Variants in AGFG1 observed in about 807,000 individuals in gnomAD.
The protein encoded by AGFG1 is ArfGAP with FG repeats 1.
In AGFG1, 10 loss-of-function variants were observed where a neutral mutation model predicts 60.6. The ratio of observed to expected loss-of-function variants is 0.16; its 90% CI spans 0.10 to 0.28. The LOEUF (loss-of-function observed/expected upper bound fraction) is 0.28, where lower values mean the gene tolerates loss of function less well. Ranked by LOEUF, AGFG1 falls within the 10% of genes least tolerant of loss-of-function variation. The pLI is 1.00. For missense variants in AGFG1, 537 were observed against 676.5 expected (o/e 0.79, Z 2.29); for synonymous variants, 247 against 242.9 (o/e 1.02, Z -0.16).
rs868351441 is a variant in AGFG1 at position 227,477,102 on chromosome 2, A to G, written c.167+4514A>G. ...TTTATAGTAGAGACTGGGTTTCGCCATGTTGGCCAGGCTCGTCTTAAACTC... is the reference window on the plus strand; with the variant it reads ...TTTATAGTAGAGACTGGGTTTCGCCGTGTTGGCCAGGCTCGTCTTAAACTC... On this transcript the variant is annotated intron_variant, in intron 1 of 12. Transcript: ENST00000310078. Among the ~76,000 whole-genome samples, 34 of 152,190 alleles carry G rather than the reference A, an allele frequency of 2.2e-4. 1 individual carries two copies. The highest frequency in any genetic ancestry group is 3.4e-3 in the Middle Eastern group (1 of 294).
At chr2:227,473,937 G>C (rs4675199) in intron 1 of AGFG1, among the ~76,000 whole-genome samples, 90,383 of 151,996 alleles carry the variant, frequency 0.59, 26,956 homozygotes, top group South Asian at 0.68. Context: ...TGTTCTCTTG[G>C]TTCTTACAGT....
intron 5 of AGFG1, among the ~76,000 whole-genome samples, chr2:227,528,311 A>G (rs1692056870): frequency 1.3e-5 from 2 of 152,296 alleles, no homozygotes; most frequent in South Asian, 4.1e-4. Flanking sequence ...TGAGAAGGAT[A>G]AGAAATTTTG....
Position 227,559,633 on chromosome 2 carries a change from GATTA to G in AGFG1, c.*5142_*5145del, listed in dbSNP as rs1257161046. On this transcript the variant is annotated 3_prime_UTR_variant, in exon 13 of 13. Coordinates refer to ENST00000310078, the MANE Select transcript of AGFG1 (RefSeq NM_004504.5). ...TTAGATGGTGATTAAAATGCCCATA[GATTA>G]ATTTTTTAATCGGTTCTCTGAAATC... The G allele has an allele frequency of 1.3e-5, 2 of 152,146 alleles. No individual in the cohort carries two copies. The highest frequency in any genetic ancestry group is 1.3e-4 in the Admixed American group (2 of 15,266). 9.4% of individuals were successfully genotyped at this position (152,146 alleles called of 1,614,324 possible). A position where few individuals can be genotyped will look rare whatever the true frequency, so the allele number is the denominator to read the frequency against.
chr2:227,492,982 A>C (rs886343003), intron 2 of AGFG1, among the ~76,000 whole-genome samples: 13 of 152,164 alleles, frequency 8.5e-5, no homozygotes, highest in Admixed American at 5.2e-4. Flanking sequence ...ATTAGAATGG[A>C]ATCAGAAATA....
At chr2:227,521,967 T>C (rs1691840302) in intron 3 of AGFG1, among the ~76,000 whole-genome samples, 1 of 152,212 alleles carries the variant, frequency 6.6e-6, no homozygotes, top group Admixed American at 6.5e-5. Context: ...CCTGTATGTT[T>C]TTAATCCAGA....
At chr2:227,550,163 G>C (rs1692778124) in intron 10 of AGFG1, 1 of 390,728 alleles carries the variant, frequency 2.6e-6, no homozygotes, top group Non-Finnish European at 5.2e-6. Context: ...CCTGCTTGTG[G>C]AAGCTTCTGC....
In AGFG1 at chr2:227,560,397, T is replaced by C. The variant is rs1054018040; in HGVS notation, c.*5902T>C. 1 of 150,008 alleles carries C rather than the reference T, an allele frequency of 6.7e-6. No homozygotes were observed. The highest frequency in any genetic ancestry group is 2.5e-5 in the African/African-American group (1 of 40,790). 9.3% of individuals were successfully genotyped at this position (150,008 alleles called of 1,614,324 possible). A position where few individuals can be genotyped will look rare whatever the true frequency, so the allele number is the denominator to read the frequency against. ...TGTAGGTATGATCTTGTGCTTCCAT[T>C]TAAGAAATTCTTCCATTTAAAGAAG... On this transcript the variant is annotated 3_prime_UTR_variant, in exon 13 of 13. Coordinates refer to ENST00000310078, the MANE Select transcript of AGFG1 (RefSeq NM_004504.5).
At chr2:227,488,963 G>A (rs1301869639) in intron 1 of AGFG1, among the ~76,000 whole-genome samples, 1 of 151,872 alleles carries the variant, frequency 6.6e-6, no homozygotes, top group Admixed American at 6.6e-5. Flanking sequence ...ACAGGCGTGC[G>A]ACACCATGCC....
intron 6 of AGFG1, among the ~76,000 whole-genome samples, chr2:227,533,003 A>G (rs1462864173): frequency 6.6e-6 from 1 of 152,216 alleles, no homozygotes; most frequent in Admixed American, 6.5e-5. Context: ...TACACATTAA[A>G]CTATTATGTG....
At chr2:227,515,629 T>A (rs1485827697) in intron 2 of AGFG1, among the ~76,000 whole-genome samples, 1 of 152,128 alleles carries the variant, frequency 6.6e-6, no homozygotes, top group Non-Finnish European at 1.5e-5. Flanking sequence ...ACCAATATTC[T>A]ACCTACTTTT....
chr2:227,523,311 A>T (rs1053237745), intron 3 of AGFG1, among the ~76,000 whole-genome samples: 1 of 152,182 alleles, frequency 6.6e-6, no homozygotes, highest in South Asian at 2.1e-4. Context: ...ATTCTTACAG[A>T]TGTAATAAGC....
intron 1 of AGFG1, among the ~76,000 whole-genome samples, chr2:227,475,632 C>G (rs1690259696): frequency 6.6e-6 from 1 of 152,126 alleles, no homozygotes; most frequent in Non-Finnish European, 1.5e-5. Flanking sequence ...ATTTTGAAGT[C>G]AGATTTTGAC....
At chr2:227,497,302 A>G (rs553136822) in intron 2 of AGFG1, among the ~76,000 whole-genome samples, 4 of 152,242 alleles carry the variant, frequency 2.6e-5, no homozygotes, top group Non-Finnish European at 5.9e-5. Flanking sequence ...TCAGCTTGCA[A>G]TGTAAATCTT....
chr2:227,472,404 T>A lies in AGFG1; in HGVS notation c.-18T>A, dbSNP rs912143845. ...CCGGCTCCCGGCCCTGCCGGCCTCC[T>A]CCCTTGGCGCCGCGGCCATGGCGGC... On this transcript the variant is annotated 5_prime_UTR_variant, in exon 1 of 13. Transcript: ENST00000310078. 10 of 1,437,680 alleles carry A rather than the reference T, an allele frequency of 7.0e-6. No homozygotes were observed. Among genetic ancestry groups the A allele is most frequent in the Non-Finnish European group, 8.3e-6 (9 of 1,084,940 alleles). 89.1% of individuals were successfully genotyped at this position (1,437,680 alleles called of 1,614,324 possible).
chr2:227,553,825 T>C (rs1399742545), intron 12 of AGFG1, 30 bp downstream of exon 12: 10 of 1,491,714 alleles, frequency 6.7e-6, no homozygotes, highest in Non-Finnish European at 9.3e-6. Context: ...AAATACTTTA[T>C]AAGTTGTTAA....
chr2:227,524,803 G>A lies in AGFG1; in HGVS notation c.582G>A (p.Lys194=). The part of the protein sequence containing the change: ...VGRSQGQQQE[K]KQFDLLSDLG... ...GTTCTCAAGGGCAGCAGCAGGAGAAGAAGCAATTTGACCTTTTAAGTGATC... is the reference window on the plus strand; with the variant it reads ...GTTCTCAAGGGCAGCAGCAGGAGAAAAAGCAATTTGACCTTTTAAGTGATC... The change falls in exon 5 of 13, where the codon AAG becomes AAA. Residue 194 remains lysine, a synonymous_variant. Transcript: ENST00000310078. 6.2e-7 allele frequency: 1 copy of A among 1,614,158 alleles called. No homozygotes were observed. The highest frequency in any genetic ancestry group is 1.1e-5 in the South Asian group (1 of 91,084).
chr2:227,510,553 G>T (rs1488783177), intron 2 of AGFG1, among the ~76,000 whole-genome samples: 1 of 152,076 alleles, frequency 6.6e-6, no homozygotes, highest in East Asian at 1.9e-4. Flanking sequence ...TTGAGAGGGG[G>T]CTTAGGAGAT....
At position 227,523,673 on chromosome 2, in the gene AGFG1, A is replaced by G. The variant is rs1157050199; in HGVS notation, c.378-90A>G. The G allele has an allele frequency of 1.6e-5, 21 of 1,282,280 alleles. No homozygotes were observed. The East Asian group carries it at 1.7e-4, about 10-fold the overall frequency. The allele number at this position is 1,282,280 out of a possible 1,614,324, so 79.4% of individuals were successfully genotyped here. A position where few individuals can be genotyped will look rare whatever the true frequency, so the allele number is the denominator to read the frequency against. ...TTCAGATAAGATTAATGGTGAAACA[A>G]TCTTGTACAAAGTTAGAATTAAGCT... On this transcript the variant is annotated intron_variant, in intron 3 of 12. Coordinates refer to ENST00000310078, the MANE Select transcript of AGFG1 (RefSeq NM_004504.5).
In AGFG1 at chr2:227,560,300, A is replaced by T. The variant is rs1693097238; in HGVS notation, c.*5805A>T. On this transcript the variant is annotated 3_prime_UTR_variant, in exon 13 of 13. Transcript: ENST00000310078. ...ATATCCTTATGCATATATGAAGATTACTCTTGATTCTGCCTGACTGGAAAC... is the reference window on the plus strand; with the variant it reads ...ATATCCTTATGCATATATGAAGATTTCTCTTGATTCTGCCTGACTGGAAAC... The T allele has an allele frequency of 6.6e-6, 1 of 152,034 alleles. No individual in the cohort carries two copies. The highest frequency in any genetic ancestry group is 1.5e-5 in the Non-Finnish European group (1 of 67,964). 9.4% of individuals were successfully genotyped at this position (152,034 alleles called of 1,614,324 possible).
Sources: gnomAD v4.1 joint callset for allele counts (sites outside exome capture counted in the v4.1 genomes callset) on GRCh38, gnomAD v4.1.1 for gene constraint, MANE v1.5 for transcripts, NCBI Gene and HGNC (gene_info 2026-07-23, HGNC 2026-07-21) for gene names.